The following DNAJC8 variants were observed in gnomAD, a reference collection of about 807,000 sequenced individuals.
The protein encoded by DNAJC8 is DnaJ heat shock protein family (Hsp40) member C8, also known as dnaJ homolog subfamily C member 8.
In DNAJC8, 24 loss-of-function variants were observed where a neutral mutation model predicts 43.2. The observed-to-expected ratio is 0.56, with a 90% CI of 0.40 to 0.78. DNAJC8 has a LOEUF of 0.78. DNAJC8 is among the 30% of genes least tolerant of loss of function. The probability of loss-of-function intolerance (pLI) is 0.00; values close to 1 mark genes in which losing one functional copy is unlikely to be tolerated. For synonymous variants in DNAJC8, 83 were observed against 98.0 expected (o/e 0.85, Z 0.90); for missense variants, 207 against 299.4 (o/e 0.69, Z 2.28).
At chr1:28,203,116 C>T (rs1646748134) in intron 8 of DNAJC8, among the ~76,000 whole-genome samples, 1 of 152,092 alleles carries the variant, frequency 6.6e-6, no homozygotes, top group South Asian at 2.1e-4. Context: ...CCACTAGGAC[C>T]TCTACCTCAT....
chr1:28,201,085 A>T lies in DNAJC8; in HGVS notation c.*163T>A. The T allele has an allele frequency of 9.4e-7, 1 of 1,061,412 alleles. No individual in the cohort carries two copies. Among genetic ancestry groups the T allele is most frequent in the Non-Finnish European group, 1.3e-6 (1 of 745,472 alleles). The allele number at this position is 1,061,412 out of a possible 1,614,324, so 65.7% of individuals were successfully genotyped here. A position where few individuals can be genotyped will look rare whatever the true frequency, so the allele number is the denominator to read the frequency against. ...TAAACCAAGCCCCTCATTTCAATGT[A>T]CAAAAGAATTACTCTGATCGATATT... On this transcript the variant is annotated 3_prime_UTR_variant, in exon 9 of 9. Coordinates refer to ENST00000263697, the MANE Select transcript of DNAJC8 (RefSeq NM_014280.3).
At chr1:28,207,195 T>G (rs1187413334) in intron 6 of DNAJC8, among the ~76,000 whole-genome samples, 1 of 151,724 alleles carries the variant, frequency 6.6e-6, no homozygotes, top group Admixed American at 6.6e-5. Flanking sequence ...CTGACCAACA[T>G]GATGACATCC....
intron 2 of DNAJC8, among the ~76,000 whole-genome samples, chr1:28,219,809 TGGGACTTCA>T (rs1313258161): frequency 3.3e-5 from 5 of 152,148 alleles, no homozygotes; most frequent in Non-Finnish European, 7.3e-5. Context: ...CCTGAATAGC[TGGGACTTCA>T]GGTGTTTGCC....
intron 1 of DNAJC8, among the ~76,000 whole-genome samples, chr1:28,230,866 T>G (rs1252311146): frequency 2.0e-5 from 3 of 152,198 alleles, no homozygotes; most frequent in African/African-American, 7.2e-5. Flanking sequence ...CTGTTACAAT[T>G]GCAAGAAATA....
intron 7 of DNAJC8, among the ~76,000 whole-genome samples, chr1:28,204,217 A>G (rs1646754629): frequency 6.6e-6 from 1 of 152,200 alleles, no homozygotes; most frequent in Non-Finnish European, 1.5e-5. Context: ...AAACAAAGAT[A>G]TTTCACACAA....
At chr1:28,206,993 C>T (rs1272226588) in intron 6 of DNAJC8, among the ~76,000 whole-genome samples, 1 of 152,034 alleles carries the variant, frequency 6.6e-6, no homozygotes, top group African/African-American at 2.4e-5. Context: ...GATAGACAGA[C>T]ACTGCGATTT....
chr1:28,221,031 G>A (rs1646894563), intron 2 of DNAJC8, among the ~76,000 whole-genome samples: 1 of 151,640 alleles, frequency 6.6e-6, no homozygotes, highest in African/African-American at 2.4e-5. Context: ...ATCTCCTTTA[G>A]GATCTTCTGC....
intron 8 of DNAJC8, 54 bp from the exon 9 acceptor site, chr1:28,201,424 TAA>T: frequency 6.2e-7 from 1 of 1,609,238 alleles, no homozygotes. Flanking sequence ...TGGAAAGGCC[TAA>T]ACCTGGTCTG....
intron 1 of DNAJC8, among the ~76,000 whole-genome samples, chr1:28,231,901 G>A (rs1646978463): frequency 6.6e-6 from 1 of 151,736 alleles, no homozygotes; most frequent in African/African-American, 2.4e-5. Context: ...CCGAGTGGCT[G>A]GGACTACAGG....
chr1:28,213,724 A>G (rs1646831835), intron 3 of DNAJC8, among the ~76,000 whole-genome samples: 1 of 152,248 alleles, frequency 6.6e-6, no homozygotes, highest in South Asian at 2.1e-4. Flanking sequence ...TATTCAACTC[A>G]GAAAAAAAGG....
chr1:28,219,691 T>TTTTC (rs1433259663), intron 2 of DNAJC8, among the ~76,000 whole-genome samples: 2 of 152,154 alleles, frequency 1.3e-5, no homozygotes, highest in Non-Finnish European at 2.9e-5. Context: ...TCTATTCTTT[T>TTTTC]TTTCTTTCTT....
At chr1:28,230,855 A>G (rs1646968875) in intron 1 of DNAJC8, among the ~76,000 whole-genome samples, 1 of 152,210 alleles carries the variant, frequency 6.6e-6, no homozygotes, top group Non-Finnish European at 1.5e-5. Flanking sequence ...TGTAACAAGT[A>G]CTGTTACAAT....
intron 3 of DNAJC8, among the ~76,000 whole-genome samples, chr1:28,211,849 T>C (rs1312166785): frequency 6.6e-6 from 1 of 152,052 alleles, no homozygotes; most frequent in African/African-American, 2.4e-5. Flanking sequence ...GCCAAAAATA[T>C]ATAGTTAAAT....
At chr1:28,229,646 G>A (rs1481684769) in intron 1 of DNAJC8, among the ~76,000 whole-genome samples, 1 of 151,698 alleles carries the variant, frequency 6.6e-6, no homozygotes, top group Non-Finnish European at 1.5e-5. Flanking sequence ...ATGGTGGCAT[G>A]GCGTGTAGTC....
Position 28,201,318 on chromosome 1 carries a change from T to C in DNAJC8, c.692A>G (p.Lys231Arg). The C allele has an allele frequency of 6.2e-7, 1 of 1,613,618 alleles. No homozygotes were observed. Among genetic ancestry groups the C allele is most frequent in the Non-Finnish European group, 8.5e-7 (1 of 1,180,008 alleles). ...CCGATTTTTCTTCTCTTTCTTCCCC[T>C]TCGTATTGGCTTGGAAGTTTCGCCA... ...DSWRNFQANTKGKKEKKNRTF... is the reference protein window; with the variant it reads ...DSWRNFQANTRGKKEKKNRTF... The change falls in exon 9 of 9, where the codon AAG becomes AGG. Residue 231 changes from lysine (K) to arginine (R), a missense_variant. Coordinates refer to ENST00000263697, the MANE Select transcript of DNAJC8 (RefSeq NM_014280.3).
At chr1:28,220,880 C>G (rs972344016) in intron 2 of DNAJC8, among the ~76,000 whole-genome samples, 13 of 152,090 alleles carry the variant, frequency 8.5e-5, no homozygotes, top group African/African-American at 2.7e-4. Context: ...TTTCTGAACT[C>G]CTGTTGCGTC....
At chr1:28,228,629 T>C (rs1425494322) in intron 2 of DNAJC8, among the ~76,000 whole-genome samples, 2 of 152,090 alleles carry the variant, frequency 1.3e-5, no homozygotes, top group African/African-American at 4.8e-5. Context: ...TCAAAGAAAA[T>C]GCTCATTAAC....
intron 2 of DNAJC8, among the ~76,000 whole-genome samples, chr1:28,226,833 T>C (rs1232272996): frequency 6.6e-6 from 1 of 151,270 alleles, no homozygotes; most frequent in East Asian, 1.9e-4. Flanking sequence ...TCTAAAGCTG[T>C]ACCAACATCA....
intron 2 of DNAJC8, among the ~76,000 whole-genome samples, chr1:28,224,637 C>T (rs1484467560): frequency 1.3e-5 from 2 of 151,988 alleles, no homozygotes; most frequent in African/African-American, 4.8e-5. Flanking sequence ...AATCCCAGCA[C>T]TTTTTGGGAG....
Sources: allele counts gnomAD v4.1 joint callset (sites outside exome capture counted in the v4.1 genomes callset), GRCh38; gene constraint gnomAD v4.1.1; transcripts MANE v1.5; gene names NCBI Gene and HGNC (gene_info 2026-07-23, HGNC 2026-07-21).